The following MAML2 variants were observed in gnomAD, a reference collection of about 807,000 sequenced individuals.
MAML2 encodes mastermind like transcriptional coactivator 2.
Under a neutral mutation model 96.1 loss-of-function variants are expected in MAML2, and 22 were observed. The observed-to-expected ratio is 0.23, with a 90% CI of 0.16 to 0.33. MAML2 has a LOEUF of 0.33. MAML2 is among the 10% of genes least tolerant of loss of function. The pLI is 1.00. For synonymous variants in MAML2, 561 were observed against 521.3 expected (o/e 1.08, Z -1.04); for missense variants, 1,367 against 1,392.4 (o/e 0.98, Z 0.29).
intron 1 of MAML2, among the ~76,000 whole-genome samples, chr11:96,121,316 G>T (rs998087066): frequency 1.3e-5 from 2 of 152,122 alleles, no homozygotes; most frequent in Non-Finnish European, 2.9e-5. Context: ...TTTCCACTGA[G>T]ATATAGACGT....
intron 1 of MAML2, among the ~76,000 whole-genome samples, chr11:96,192,707 T>G (rs1422906289): frequency 6.6e-6 from 1 of 152,198 alleles, no homozygotes. Context: ...AGTCTTCAAA[T>G]TATCTGGAGG....
At chr11:96,047,691 A>G (rs1858923681) in intron 2 of MAML2, among the ~76,000 whole-genome samples, 1 of 152,048 alleles carries the variant, frequency 6.6e-6, no homozygotes, top group Non-Finnish European at 1.5e-5. Context: ...CAGGTAGATC[A>G]CGAAGTCACG....
At chr11:96,239,721 A>G (rs1021676603) in intron 1 of MAML2, among the ~76,000 whole-genome samples, 1 of 151,652 alleles carries the variant, frequency 6.6e-6, no homozygotes, top group African/African-American at 2.4e-5. Context: ...ATAGAATAAT[A>G]GCACCCATGT....
intron 2 of MAML2, among the ~76,000 whole-genome samples, chr11:96,052,525 A>G (rs948516726): frequency 4.6e-5 from 7 of 152,180 alleles, no homozygotes; most frequent in Admixed American, 3.3e-4. Context: ...CCCAGTTTTT[A>G]GTAAACATGG....
intron 2 of MAML2, among the ~76,000 whole-genome samples, chr11:96,014,346 G>C (rs946280508): frequency 6.6e-6 from 1 of 152,132 alleles, no homozygotes; most frequent in Non-Finnish European, 1.5e-5. Context: ...AGGGATCCTT[G>C]CGACAGGGAT....
intron 1 of MAML2, among the ~76,000 whole-genome samples, chr11:96,325,963 C>T (rs78409678): frequency 0.054 from 8,243 of 152,198 alleles, 464 homozygotes; most frequent in East Asian, 0.29. Flanking sequence ...CAGAGTTTCC[C>T]AGATTTGCTT....
chr11:96,016,653 A>T (rs1858357175), intron 2 of MAML2, among the ~76,000 whole-genome samples: 1 of 152,174 alleles, frequency 6.6e-6, no homozygotes, highest in South Asian at 2.1e-4. Flanking sequence ...TGGGAAGAAG[A>T]AGAAGGGCTC....
chr11:96,009,627 G>A (rs117133671), intron 2 of MAML2, among the ~76,000 whole-genome samples: 2,073 of 152,214 alleles, frequency 0.014, 31 homozygotes, highest in Middle Eastern at 0.038. Flanking sequence ...CTCTTCAGAA[G>A]GTAGAAGAAA....
At chr11:96,286,000 T>G (rs1288843017) in intron 1 of MAML2, among the ~76,000 whole-genome samples, 2 of 152,190 alleles carry the variant, frequency 1.3e-5, no homozygotes, top group Non-Finnish European at 2.9e-5. Flanking sequence ...ATATAGATCA[T>G]TCTATTATAA....
chr11:96,145,733 C>T (rs1419653480), intron 1 of MAML2, among the ~76,000 whole-genome samples: 3 of 152,266 alleles, frequency 2.0e-5, no homozygotes, highest in Non-Finnish European at 2.9e-5. Context: ...CTTGTTCGGG[C>T]GTGGTGGCTC....
intron 2 of MAML2, among the ~76,000 whole-genome samples, chr11:96,042,745 T>C (rs1224805866): frequency 4.3e-5 from 1 of 22,990 alleles, no homozygotes; most frequent in Non-Finnish European, 8.5e-5. Context: ...GTTAACGTTC[T>C]TTTTTTTTTT....
At chr11:96,199,961 C>A (rs1861794350) in intron 1 of MAML2, among the ~76,000 whole-genome samples, 1 of 152,160 alleles carries the variant, frequency 6.6e-6, no homozygotes. Context: ...CCTTCTCGCT[C>A]CACTGGGAAG....
intron 1 of MAML2, among the ~76,000 whole-genome samples, chr11:96,178,600 C>G (rs1018222619): frequency 1.3e-5 from 2 of 152,134 alleles, no homozygotes; most frequent in African/African-American, 4.8e-5. Flanking sequence ...AACCAATCGC[C>G]TAAAACTACC....
At chr11:96,006,365 A>G (rs1858177591) in intron 2 of MAML2, among the ~76,000 whole-genome samples, 1 of 152,184 alleles carries the variant, frequency 6.6e-6, no homozygotes, top group African/African-American at 2.4e-5. Context: ...ATAACCTTAA[A>G]TGAAAAGTCT....
chr11:96,218,841 A>G (rs1862089364), intron 1 of MAML2, among the ~76,000 whole-genome samples: 1 of 152,248 alleles, frequency 6.6e-6, no homozygotes, highest in African/African-American at 2.4e-5. Context: ...TATTTGAAAC[A>G]TACTTGTACT....
intron 1 of MAML2, among the ~76,000 whole-genome samples, chr11:96,163,932 G>A (rs1447370382): frequency 6.8e-6 from 1 of 148,132 alleles, no homozygotes; most frequent in African/African-American, 2.5e-5. Flanking sequence ...GTGTGATCTC[G>A]GCTCACTGCA....
chr11:96,122,507 T>G (rs201775512), intron 1 of MAML2, among the ~76,000 whole-genome samples: 2 of 102,714 alleles, frequency 1.9e-5, no homozygotes, highest in African/African-American at 6.3e-5. Context: ...GGTGTGTGTG[T>G]GTGTGTGTGT....
intron 1 of MAML2, among the ~76,000 whole-genome samples, chr11:96,154,440 G>C (rs1388271253): frequency 6.6e-6 from 1 of 152,208 alleles, no homozygotes; most frequent in Non-Finnish European, 1.5e-5. Context: ...TTGAGAAATA[G>C]AATCAGTTGC....
At chr11:96,211,311 T>C (rs1469972175) in intron 1 of MAML2, among the ~76,000 whole-genome samples, 1 of 152,124 alleles carries the variant, frequency 6.6e-6, no homozygotes, top group Non-Finnish European at 1.5e-5. Flanking sequence ...AAATCAAATA[T>C]TTAACTATAA....
Sources: allele counts gnomAD v4.1 joint callset (sites outside exome capture counted in the v4.1 genomes callset), GRCh38; gene constraint gnomAD v4.1.1; transcripts MANE v1.5; gene names NCBI Gene and HGNC (gene_info 2026-07-23, HGNC 2026-07-21).